Variants in EYS observed in about 807,000 individuals in gnomAD.
EYS encodes EGF-like photoreceptor maintenance factor, also known as protein eyes shut homolog.
EYS carries 250 observed loss-of-function variants against 282.1 expected under a neutral mutation model. The ratio of observed to expected loss-of-function variants is 0.89; its 90% CI spans 0.80 to 0.98. The LOEUF is 0.98. Among genes scored for constraint, EYS ranks in the 50% least tolerant of loss-of-function variants. EYS has a pLI of 0.00. For missense variants in EYS, 4,016 were observed against 3,709.0 expected (o/e 1.08, Z -2.15); for synonymous variants, 1,355 against 1,282.9 (o/e 1.06, Z -1.20).
At chr6:64,200,012 A>T (rs956041713) in intron 31 of EYS, among the ~76,000 whole-genome samples, 2 of 152,168 alleles carry the variant, frequency 1.3e-5, no homozygotes, top group East Asian at 3.9e-4. Flanking sequence ...TAAATGATCT[A>T]CCCAGCCACA....
At chr6:65,234,610 A>G (rs1359399739) in intron 12 of EYS, among the ~76,000 whole-genome samples, 1 of 152,196 alleles carries the variant, frequency 6.6e-6, no homozygotes, top group Non-Finnish European at 1.5e-5. Flanking sequence ...CTTACCAATC[A>G]CTACAGTTGA....
intron 26 of EYS, among the ~76,000 whole-genome samples, chr6:64,456,679 A>G (rs1029239256): frequency 6.6e-6 from 1 of 151,982 alleles, no homozygotes; most frequent in Non-Finnish European, 1.5e-5. Flanking sequence ...GTTTTTTTGC[A>G]GGCATATGCT....
chr6:64,655,337 T>C (rs1217806272), intron 22 of EYS, among the ~76,000 whole-genome samples: 1 of 118,014 alleles, frequency 8.5e-6, no homozygotes, highest in Non-Finnish European at 1.8e-5. Context: ...TTTTAAAATA[T>C]GCTTTTGAAT....
chr6:65,344,391 A>G (rs1770317512), intron 9 of EYS, among the ~76,000 whole-genome samples: 1 of 151,540 alleles, frequency 6.6e-6, no homozygotes, highest in Admixed American at 6.6e-5. Context: ...CAGCATCACA[A>G]GAAGAAGAAG....
intron 33 of EYS, among the ~76,000 whole-genome samples, chr6:64,045,385 TTATTTTATTTTATTTTA>T (rs1406102455): frequency 5.4e-5 from 5 of 92,562 alleles, no homozygotes; most frequent in African/African-American, 2.2e-4. Context: ...TGAAACAAGT[TTATTTTATTTTATTTTA>T]TTTTATTTTA....
Position 64,350,531 on chromosome 6 carries a change from A to C in EYS, c.6078+38159T>G, listed in dbSNP as rs116147590. Among the ~76,000 whole-genome samples the C allele has an allele frequency of 9.5e-3, 1,437 of 151,644 alleles. 26 individuals carry two copies. Among genetic ancestry groups the C allele is most frequent in the African/African-American group, 0.033 (1,387 of 41,450 alleles). On this transcript the variant is annotated intron_variant, in intron 29 of 42. Transcript: ENST00000503581. ...GTATGGATCTGGGCATAAGAGGCTG[A>C]TCTCAACCCCACTCTCCTCTGGCAT...
chr6:64,143,638 G>GTC (rs1486574699), intron 31 of EYS, among the ~76,000 whole-genome samples: 1 of 152,264 alleles, frequency 6.6e-6, no homozygotes, highest in East Asian at 1.9e-4. Context: ...AGAAAACTGG[G>GTC]TCTCTCTCTC....
At chr6:65,373,349 A>T (rs1276900215) in intron 8 of EYS, among the ~76,000 whole-genome samples, 1 of 152,104 alleles carries the variant, frequency 6.6e-6, no homozygotes, top group African/African-American at 2.4e-5. Context: ...CTAAATGAGA[A>T]TGGGGATGGA....
At chr6:65,228,729 A>T (rs191858115) in intron 12 of EYS, among the ~76,000 whole-genome samples, 12 of 152,198 alleles carry the variant, frequency 7.9e-5, no homozygotes, top group Non-Finnish European at 1.2e-4. Flanking sequence ...TAGTAATACA[A>T]TTGGAGTTCT....
At chr6:65,197,605 T>C (rs1765801469) in intron 12 of EYS, among the ~76,000 whole-genome samples, 1 of 152,106 alleles carries the variant, frequency 6.6e-6, no homozygotes, top group Non-Finnish European at 1.5e-5. Context: ...TTCTGAGAAG[T>C]GCATCCTTTA....
At chr6:64,101,569 A>G (rs570553010) in intron 31 of EYS, among the ~76,000 whole-genome samples, 3 of 149,370 alleles carry the variant, frequency 2.0e-5, no homozygotes, top group South Asian at 2.1e-4. Context: ...CAAAAAAAAA[A>G]TGATTTTGTT....
chr6:65,241,782 C>G (rs1767063709), intron 12 of EYS, among the ~76,000 whole-genome samples: 1 of 151,952 alleles, frequency 6.6e-6, no homozygotes, highest in South Asian at 2.1e-4. Context: ...CTTGCTTGGA[C>G]AGAGAAAGAG....
chr6:63,908,031 T>TATATATATACAA (rs1491523191), intron 35 of EYS, among the ~76,000 whole-genome samples: 2 of 50,188 alleles, frequency 4.0e-5, no homozygotes, highest in African/African-American at 1.9e-4. Context: ...TATATATATA[T>TATATATATACAA]ACGTTTGTGT....
intron 22 of EYS, among the ~76,000 whole-genome samples, chr6:64,630,497 C>T (rs1767743615): frequency 6.6e-6 from 1 of 152,088 alleles, no homozygotes; most frequent in African/African-American, 2.4e-5. Flanking sequence ...ACTTATTCAT[C>T]TGTTGATATA....
chr6:64,575,020 A>G (rs1188593883), intron 26 of EYS, among the ~76,000 whole-genome samples: 2 of 152,172 alleles, frequency 1.3e-5, no homozygotes, highest in Non-Finnish European at 2.9e-5. Flanking sequence ...GAGAAAGTAC[A>G]TAGAGAAGAT....
chr6:65,319,777 T>C (rs973246423), intron 11 of EYS, among the ~76,000 whole-genome samples: 2 of 152,172 alleles, frequency 1.3e-5, no homozygotes, highest in Non-Finnish European at 2.9e-5. Context: ...AGTAGTCTGT[T>C]AAACAGGGAA....
chr6:65,004,889 A>C (rs1192970132), intron 13 of EYS, among the ~76,000 whole-genome samples: 1 of 147,990 alleles, frequency 6.8e-6, no homozygotes, highest in Non-Finnish European at 1.5e-5. Flanking sequence ...TAGCAATGAT[A>C]AGTGACAGCA....
intron 26 of EYS, among the ~76,000 whole-genome samples, chr6:64,580,495 G>A (rs1326203082): frequency 6.6e-6 from 1 of 152,156 alleles, no homozygotes; most frequent in African/African-American, 2.4e-5. Context: ...CTGAAGTGCA[G>A]AGTTGTGCAA....
intron 35 of EYS, among the ~76,000 whole-genome samples, chr6:63,981,296 T>A (rs60787639): frequency 0.013 from 1,947 of 151,928 alleles, 37 homozygotes; most frequent in African/African-American, 0.044. Context: ...ATCTCCTCCG[T>A]GGTCCTATAG....
Sources: gnomAD v4.1 joint callset for allele counts (sites outside exome capture counted in the v4.1 genomes callset) on GRCh38, gnomAD v4.1.1 for gene constraint, MANE v1.5 for transcripts, NCBI Gene and HGNC (gene_info 2026-07-23, HGNC 2026-07-21) for gene names.